The following JAKMIP1 variants were observed in gnomAD, a reference collection of about 807,000 sequenced individuals.
JAKMIP1 encodes the protein janus kinase and microtubule-interacting protein 1.
JAKMIP1 carries 33 observed loss-of-function variants against 113.0 expected under a neutral mutation model. That is an observed-to-expected ratio of 0.29 (90% CI 0.22 to 0.39). JAKMIP1 has a LOEUF of 0.39. Ranked by LOEUF, JAKMIP1 falls within the 10% of genes least tolerant of loss-of-function variation. The pLI is 1.00. For missense variants in JAKMIP1, 813 were observed against 1,080.5 expected, an observed-to-expected ratio of 0.75 and a Z score of 3.47; for synonymous variants, 480 against 459.9, an observed-to-expected ratio of 1.04 and a Z score of -0.56.
intron 1 of JAKMIP1, among the ~76,000 whole-genome samples, chr4:6,119,119 G>A (rs373300003): frequency 1.6e-4 from 24 of 152,264 alleles, no homozygotes; most frequent in South Asian, 6.2e-4. Flanking sequence ...AAGGGAATGC[G>A]ACCCTGCCAG....
chr4:6,165,962 T>C (rs1560306459), intron 1 of JAKMIP1, among the ~76,000 whole-genome samples: 1 of 152,136 alleles, frequency 6.6e-6, no homozygotes, highest in Non-Finnish European at 1.5e-5. Context: ...CCCCAGCTCC[T>C]GAGGGCTGCC....
chr4:6,074,547 C>T (rs1719435721), intron 8 of JAKMIP1, among the ~76,000 whole-genome samples: 1 of 152,200 alleles, frequency 6.6e-6, no homozygotes, highest in Non-Finnish European at 1.5e-5. Context: ...TCCTGCGGTA[C>T]CCATGGGGGA....
rs1042462730 is a variant in JAKMIP1, at chr4:6,056,605, A to C, written c.1707+92T>G. 7 of 934,582 alleles carry C rather than the reference A, an allele frequency of 7.5e-6. No homozygotes were observed. The African/African-American group carries it at 9.7e-5, about 13-fold the overall frequency. The allele number at this position is 934,582 out of a possible 1,614,324, so 57.9% of individuals were successfully genotyped here. On this transcript the variant is annotated intron_variant, in intron 12 of 20. Coordinates refer to ENST00000409021, the MANE Select transcript of JAKMIP1 (RefSeq NM_001099433.2). ...AGGCCCTGGTCACTGGAGTGCCCAA[A>C]TGGCGCTGGGCACGACCCGTGTAGT...
At chr4:6,117,937 G>A (rs2108901805) in intron 1 of JAKMIP1, among the ~76,000 whole-genome samples, 1 of 152,176 alleles carries the variant, frequency 6.6e-6, no homozygotes, top group Non-Finnish European at 1.5e-5. Context: ...TTTTTTCAGG[G>A]TGCCCACATT....
Position 6,085,554 on chromosome 4 carries a change from G to C in JAKMIP1, c.700C>G (p.Gln234Glu). Residue 234 changes from glutamine (Q) to glutamate (E), a missense_variant, in exon 4 of 21, where the codon CAG (glutamine) becomes GAG (glutamate). Gln to Glu is a conservative substitution (Grantham distance 29). Around this residue, in one of 2 missense-constraint regions of JAKMIP1, gnomAD observed 540 missense variants for 653.9 expected, o/e 0.83. Coordinates refer to ENST00000409021, the MANE Select transcript of JAKMIP1 (RefSeq NM_001099433.2). Reference protein sequence around the residue: ...KELGVQAGQTQKLLLQKEALD... With the variant: ...KELGVQAGQTEKLLLQKEALD... ...GCCTCTTTCTGCAGAAGCAGCTTCT[G>C]GGTCTGCCCAGCCTGCACGCCAAGT... The C allele has an allele frequency of 6.2e-7, 1 of 1,614,190 alleles. No homozygotes were observed. Among genetic ancestry groups the C allele is most frequent in the Non-Finnish European group, 8.5e-7 (1 of 1,180,036 alleles).
intron 3 of JAKMIP1, among the ~76,000 whole-genome samples, chr4:6,098,555 AAAGAAAGAAAGAAAGAAAGAAAGAAAG>A (rs1712265879): frequency 2.1e-4 from 1 of 4,786 alleles, no homozygotes; most frequent in African/African-American, 2.2e-4. Context: ...AAAAAGAAAG[AAAGAAAGAAAGAAAGAAAGAAAGAAAG>A]AAGGAAAGGA....
chr4:6,140,737 G>C lies in JAKMIP1; in HGVS notation c.-147-27740C>G, dbSNP rs1720023002. On this transcript the variant is annotated intron_variant, in intron 1 of 20. Coordinates refer to ENST00000409021, the MANE Select transcript of JAKMIP1 (RefSeq NM_001099433.2). This position sits in a 1 kb window ranked among gnomAD's most constrained non-coding sequence, Gnocchi z 9.4. ...ATGACAAAGTATCCCAGATAACTTG[G>C]TAGAATAATATTTCTCTCGTCTGGT... Among the ~76,000 whole-genome samples the C allele has an allele frequency of 6.6e-6, 1 of 152,116 alleles. No individual in the cohort carries two copies. The highest frequency in any genetic ancestry group is 1.5e-5 in the Non-Finnish European group (1 of 68,020).
chr4:6,105,887 C>G lies in JAKMIP1; in HGVS notation c.210G>C (p.Ser70=), dbSNP rs372820301. ...QEQRRHTAYI[S]ELKAKLHEEK... is the part of the protein sequence containing the mutation. ...CCTCATGCAGCTTGGCCTTGAGCTC[C>G]GAAATGTAGGCCGTGTGCCGTCGCT... The change falls in exon 3 of 21, where the codon TCG becomes TCC. Residue 70 remains serine, a synonymous_variant. Transcript: ENST00000409021. 2 of 1,611,982 alleles carry G rather than the reference C, an allele frequency of 1.2e-6. No individual in the cohort carries two copies. The highest frequency in any genetic ancestry group is 1.3e-5 in the African/African-American group (1 of 74,934).
intron 1 of JAKMIP1, among the ~76,000 whole-genome samples, chr4:6,175,895 C>A (rs10029971): frequency 0.19 from 28,205 of 152,244 alleles, 2,875 homozygotes; most frequent in Non-Finnish European, 0.23. Flanking sequence ...CCTCTCTGAA[C>A]CAGTTTCCTG....
chr4:6,160,667 A>G (rs1432892468), intron 1 of JAKMIP1, among the ~76,000 whole-genome samples: 4 of 151,780 alleles, frequency 2.6e-5, no homozygotes, highest in Non-Finnish European at 5.9e-5. Flanking sequence ...CAAACAAAAC[A>G]TCTCTTCCTG....
chr4:6,114,976 T>C (rs1268202710), intron 1 of JAKMIP1, among the ~76,000 whole-genome samples: 4 of 152,226 alleles, frequency 2.6e-5, no homozygotes, highest in Non-Finnish European at 4.4e-5. Flanking sequence ...AGATACGGTC[T>C]CTGATAGAAA....
At chr4:6,163,454 C>G (rs1378466165) in intron 1 of JAKMIP1, among the ~76,000 whole-genome samples, 1 of 152,212 alleles carries the variant, frequency 6.6e-6, no homozygotes, top group African/African-American at 2.4e-5. Flanking sequence ...TGGGTATATG[C>G]TGACCACTCC....
chr4:6,172,489 C>A (rs564668070), intron 1 of JAKMIP1, among the ~76,000 whole-genome samples: 1 of 152,262 alleles, frequency 6.6e-6, no homozygotes, highest in African/African-American at 2.4e-5. Context: ...CCCCCGAGAA[C>A]CCCAGCCTGT....
chr4:6,123,396 G>A (rs1462490654), intron 1 of JAKMIP1, among the ~76,000 whole-genome samples: 2 of 152,162 alleles, frequency 1.3e-5, no homozygotes, highest in East Asian at 3.9e-4. Context: ...ACAGCATCGT[G>A]CAAAAGGCGA....
chr4:6,036,134 A>G, intron 18 of JAKMIP1, 27 bp from the exon 19 acceptor site: 2 of 1,507,832 alleles, frequency 1.3e-6, no homozygotes, highest in South Asian at 2.5e-5. Context: ...ACACAGACAG[A>G]GGAAGGTCAC....
At position 6,051,453 on chromosome 4, in the gene JAKMIP1, G is replaced by A. The variant is rs1357565320; in HGVS notation, c.1807-774C>T. Among the ~76,000 whole-genome samples, 1 of 152,004 alleles carries A rather than the reference G, an allele frequency of 6.6e-6. No individual in the cohort carries two copies. Among genetic ancestry groups the A allele is most frequent in the African/African-American group, 2.4e-5 (1 of 41,396 alleles). On this transcript the variant is annotated intron_variant, in intron 13 of 20. Transcript: ENST00000409021. The surrounding 1 kb of genome is among the most constrained non-coding windows in gnomAD (Gnocchi z 5.0). ...GGGTTTCACCATGTTGGCCAGGCTG[G>A]TCTTGAACTCCAGAGACCTCAGGTG...
chr4:6,056,859 T>A (rs189019554), intron 11 of JAKMIP1, 100 bp from the exon 12 acceptor site: 77 of 833,766 alleles, frequency 9.2e-5, no homozygotes, highest in South Asian at 6.3e-4. Flanking sequence ...AAACTGACCA[T>A]GGAAAGGTCA....
chr4:6,096,764 G>T (rs561307878), intron 3 of JAKMIP1, among the ~76,000 whole-genome samples: 1 of 152,178 alleles, frequency 6.6e-6, no homozygotes, highest in East Asian at 1.9e-4. Context: ...TGGAATATTT[G>T]CACATACATA....
chr4:6,119,498 C>G lies in JAKMIP1; in HGVS notation c.-147-6501G>C, dbSNP rs183969453. Among the ~76,000 whole-genome samples the G allele has an allele frequency of 5.3e-3, 798 of 151,972 alleles. 7 individuals are homozygous for G. The highest frequency in any genetic ancestry group is 0.018 in the African/African-American group (756 of 41,410). Reference sequence around the variant, plus strand: ...GGTGGAGGTTGCGGTGAGCCGAGATCACGCCATTGCACTCCAGCCTGGACA... The same window carrying G: ...GGTGGAGGTTGCGGTGAGCCGAGATGACGCCATTGCACTCCAGCCTGGACA... On this transcript the variant is annotated intron_variant, in intron 1 of 20. Transcript: ENST00000409021.
Sources: allele counts gnomAD v4.1 joint callset (sites outside exome capture counted in the v4.1 genomes callset), GRCh38; gene constraint gnomAD v4.1.1; regional missense constraint gnomAD v4.1.1; non-coding constraint Gnocchi (gnomAD v3.1); transcripts MANE v1.5; gene names NCBI Gene and HGNC (gene_info 2026-07-23, HGNC 2026-07-21).